Variants in EIF2AK1 observed in about 807,000 individuals in gnomAD.
EIF2AK1 encodes the protein eukaryotic translation initiation factor 2-alpha kinase 1.
Under a neutral mutation model 77.9 loss-of-function variants are expected in EIF2AK1, and 54 were observed. The observed-to-expected ratio is 0.69, with a 90% CI of 0.56 to 0.87. The LOEUF (loss-of-function observed/expected upper bound fraction) is 0.87. Among genes scored for constraint, EIF2AK1 ranks in the 40% least tolerant of loss-of-function variants. EIF2AK1 has a pLI of 0.00. For missense variants in EIF2AK1, 810 were observed against 768.6 expected (o/e 1.05, Z -0.64); for synonymous variants, 314 against 290.5 (o/e 1.08, Z -0.82).
chr7:6,048,835 C>T lies in EIF2AK1; in HGVS notation c.421G>A (p.Glu141Lys). 4 of 1,584,666 alleles carry T rather than the reference C, an allele frequency of 2.5e-6. No individual in the cohort carries two copies. Among genetic ancestry groups the T allele is most frequent in the Non-Finnish European group, 3.4e-6 (4 of 1,170,830 alleles). The change falls in exon 4 of 15, where the codon GAG becomes AAG. Residue 141 changes from glutamate to lysine, a missense_variant. By Grantham distance (56) the Glu-to-Lys change is moderately conservative. This residue lies in a region of EIF2AK1 where 246 missense variants were observed against 199.0 expected (regional missense o/e 1.24). Coordinates refer to ENST00000199389, the MANE Select transcript of EIF2AK1 (RefSeq NM_014413.4). ...AKERVRQDPC[E>K]DISRIQKIRS... ...ATTTTCTGGATACGAGAAATATCCT[C>T]ACAAGGATCCTACAATTAAAAAATT...
chr7:6,028,039 G>A, intron 13 of EIF2AK1: 1 of 421,570 alleles, frequency 2.4e-6, no homozygotes, highest in Non-Finnish European at 4.7e-6. Context: ...ATCCAACCTG[G>A]GCAACAGAGC....
rs1262800973 is a variant in EIF2AK1 at position 6,038,546 on chromosome 7, C to T, written c.1231+14G>A. ...TGTCTATTTCCCGGCCCGGCAGACC[C>T]AGATGGTACTCACAGGCAGACTCGT... On this transcript the variant is annotated intron_variant, in intron 10 of 14. Transcript: ENST00000199389. 6.2e-7 allele frequency: 1 copy of T among 1,602,380 alleles called. No individual in the cohort carries two copies. Among genetic ancestry groups the T allele is most frequent in the Admixed American group, 1.7e-5 (1 of 58,878 alleles).
Position 6,023,373 on chromosome 7 carries a change from T to A in EIF2AK1, c.*1300A>T. The A allele has an allele frequency of 6.2e-7, 1 of 1,614,070 alleles. No homozygotes were observed. Among genetic ancestry groups the A allele is most frequent in the South Asian group, 1.1e-5 (1 of 91,056 alleles). ...TCGAAGGCGAAGGGAACATTGCACG[T>A]TTCTTGTTCTCTCTGTTTGGCCAGA... is the stretch of plus-strand genomic sequence containing the variant. On this transcript the variant is annotated 3_prime_UTR_variant, in exon 15 of 15. Transcript: ENST00000199389.
chr7:6,025,782 G>A (rs1473563700), intron 14 of EIF2AK1, among the ~76,000 whole-genome samples: 1 of 151,950 alleles, frequency 6.6e-6, no homozygotes, highest in African/African-American at 2.4e-5. Context: ...TTACAGGTGT[G>A]CACCACCACG....
chr7:6,049,495 A>T (rs1225567210), intron 3 of EIF2AK1, among the ~76,000 whole-genome samples: 1 of 152,188 alleles, frequency 6.6e-6, no homozygotes, highest in Non-Finnish European at 1.5e-5. Context: ...ATGAGCCAAG[A>T]TTGCGCCACT....
chr7:6,041,356 T>A (rs1186917219), intron 8 of EIF2AK1, 137 bp from the exon 9 acceptor site: 1 of 862,326 alleles, frequency 1.2e-6, no homozygotes, highest in Non-Finnish European at 1.7e-6. Context: ...TTACCCAACA[T>A]GGTAAAACCC....
Position 6,054,715 on chromosome 7 carries a change from A to T in EIF2AK1, c.119-11T>A. On this transcript the variant is annotated splice_polypyrimidine_tract_variant and intron_variant, in intron 1 of 14. Transcript: ENST00000199389. ...CTGGAACATCAGATTCTAAAAATTAAAAAGGAAAATATTTTTAAATTAATG... is the reference window on the plus strand; with the variant it reads ...CTGGAACATCAGATTCTAAAAATTATAAAGGAAAATATTTTTAAATTAATG... 6.2e-7 allele frequency: 1 copy of T among 1,609,288 alleles called. No individual in the cohort carries two copies. The highest frequency in any genetic ancestry group is 2.2e-5 in the East Asian group (1 of 44,850).
intron 2 of EIF2AK1, among the ~76,000 whole-genome samples, chr7:6,053,099 G>A (rs1788653889): frequency 6.6e-6 from 1 of 152,140 alleles, no homozygotes; most frequent in Non-Finnish European, 1.5e-5. Flanking sequence ...AAGCTGAATT[G>A]AAGTAGGGAA....
At chr7:6,056,360 C>A (rs1788760928) in intron 1 of EIF2AK1, among the ~76,000 whole-genome samples, 2 of 144,482 alleles carry the variant, frequency 1.4e-5, no homozygotes, top group Non-Finnish European at 3.0e-5. Flanking sequence ...TTTGGGAGGC[C>A]GAGGCAGCTG....
chr7:6,028,581 G>C, intron 13 of EIF2AK1, 34 bp downstream of exon 13: 1 of 1,600,800 alleles, frequency 6.2e-7, no homozygotes, highest in Non-Finnish European at 8.6e-7. Flanking sequence ...TGCAGAATAA[G>C]TTGAATGAAA....
Position 6,036,957 on chromosome 7 carries a change from G to C in EIF2AK1, c.1332+467C>G, listed in dbSNP as rs1788116589. Among the ~76,000 whole-genome samples the C allele has an allele frequency of 6.6e-6, 1 of 152,150 alleles. No individual in the cohort carries two copies. Among genetic ancestry groups the C allele is most frequent in the South Asian group, 2.1e-4 (1 of 4,828 alleles). Reference sequence around the variant, plus strand: ...AAAATTCAACTTATAACCAAGTGCAGTGGCTCACACCTGTAACCCCAGCAC... The same window carrying C: ...AAAATTCAACTTATAACCAAGTGCACTGGCTCACACCTGTAACCCCAGCAC... On this transcript the variant is annotated intron_variant, in intron 11 of 14. Coordinates refer to ENST00000199389, the MANE Select transcript of EIF2AK1 (RefSeq NM_014413.4). The surrounding 1 kb of genome is among the most constrained non-coding windows in gnomAD (Gnocchi z 4.6).
At position 6,038,614 on chromosome 7, in the gene EIF2AK1, C is replaced by T; in HGVS notation, c.1177G>A (p.Asp393Asn). ...QMQLCELSLW[D>N]WIVERNKRGR... ...CGCTTGTTTCTCTCGACTATCCAATCCCACAGCGAGAGCTCACACAGCTGC... is the reference window on the plus strand; with the variant it reads ...CGCTTGTTTCTCTCGACTATCCAATTCCACAGCGAGAGCTCACACAGCTGC... The change falls in exon 10 of 15, where the codon GAT (aspartate) becomes AAT (asparagine). Residue 393 changes from aspartate to asparagine, a missense_variant. Around this residue, in one of 3 missense-constraint regions of EIF2AK1, gnomAD observed 549 missense variants for 533.7 expected, o/e 1.03. Transcript: ENST00000199389. The T allele has an allele frequency of 6.2e-7, 1 of 1,613,444 alleles. No homozygotes were observed. Among genetic ancestry groups the T allele is most frequent in the African/African-American group, 1.3e-5 (1 of 75,010 alleles).
At chr7:6,030,395 T>TGCCTACCA (rs1401363456) in intron 11 of EIF2AK1, among the ~76,000 whole-genome samples, 1 of 152,182 alleles carries the variant, frequency 6.6e-6, no homozygotes, top group Non-Finnish European at 1.5e-5. Flanking sequence ...ACCAGACACG[T>TGCCTACCA]GACCTTGCAA....
At chr7:6,028,293 C>T (rs946116661) in intron 13 of EIF2AK1, among the ~76,000 whole-genome samples, 2 of 150,886 alleles carry the variant, frequency 1.3e-5, no homozygotes. Flanking sequence ...CTCTTGTCAT[C>T]CAGGATGGAG....
At chr7:6,034,644 C>G (rs933893729) in intron 11 of EIF2AK1, among the ~76,000 whole-genome samples, 2 of 152,190 alleles carry the variant, frequency 1.3e-5, no homozygotes, top group Non-Finnish European at 2.9e-5. Context: ...GCTGTTTCAC[C>G]ATATCCATAG....
At chr7:6,043,579 C>T (rs1192338994) in intron 7 of EIF2AK1, among the ~76,000 whole-genome samples, 1 of 151,826 alleles carries the variant, frequency 6.6e-6, no homozygotes, top group East Asian at 2.0e-4. Flanking sequence ...CAGGTGCTCA[C>T]CACCATGCCC....
Position 6,024,763 on chromosome 7 carries a change from T to G in EIF2AK1, c.1803A>C (p.Glu601Asp), listed in dbSNP as rs748310603. The G allele has an allele frequency of 7.5e-6, 12 of 1,590,494 alleles. No homozygotes were observed. Among genetic ancestry groups the G allele is most frequent in the African/African-American group, 1.4e-5 (1 of 73,124 alleles). The change falls in exon 15 of 15, where the codon GAA (glutamate) becomes GAC (aspartate). Residue 601 changes from glutamate to aspartate, a missense_variant. Glu to Asp is a conservative substitution (Grantham distance 45, BLOSUM62 2). Coordinates refer to ENST00000199389, the MANE Select transcript of EIF2AK1 (RefSeq NM_014413.4). Reference protein sequence around the residue: ...LTLQMKIIEQEKEIAELKKQL... With the variant: ...LTLQMKIIEQDKEIAELKKQL... ...GCTTCTTTAGTTCTGCAATTTCTTT[T>G]TCTTGCTCTATTATCTTCATCTGTA...
At chr7:6,053,240 G>A (rs1252572441) in intron 2 of EIF2AK1, among the ~76,000 whole-genome samples, 7 of 151,948 alleles carry the variant, frequency 4.6e-5, no homozygotes, top group Non-Finnish European at 1.5e-5. Flanking sequence ...ATTTATGGGG[G>A]TACATGAGAT....
intron 2 of EIF2AK1, among the ~76,000 whole-genome samples, chr7:6,050,615 T>G (rs1448662667): frequency 6.6e-6 from 1 of 150,726 alleles, no homozygotes; most frequent in Non-Finnish European, 1.5e-5. Context: ...TTTTTTTTTT[T>G]TTTTTGAGAT....
Sources: gnomAD v4.1 joint callset for allele counts (sites outside exome capture counted in the v4.1 genomes callset) on GRCh38, gnomAD v4.1.1 for gene constraint, gnomAD v4.1.1 regional missense constraint, Gnocchi (gnomAD v3.1) non-coding constraint, MANE v1.5 for transcripts, NCBI Gene and HGNC (gene_info 2026-07-23, HGNC 2026-07-21) for gene names.